Variants in SRCIN1 observed in about 807,000 individuals in gnomAD.
SRCIN1 encodes SRC kinase signaling inhibitor 1.
In SRCIN1, 50 loss-of-function variants were observed where a neutral mutation model predicts 116.2. The ratio of observed to expected loss-of-function variants is 0.43; its 90% confidence interval spans 0.34 to 0.54. SRCIN1 has a LOEUF of 0.54. Among genes scored for constraint, SRCIN1 ranks in the 20% least tolerant of loss-of-function variants. The probability of loss-of-function intolerance (pLI) is 0.02; values close to 1 mark genes in which losing one functional copy is unlikely to be tolerated. For synonymous variants in SRCIN1, 736 were observed against 750.0 expected (o/e 0.98, Z 0.30); for missense variants, 1,446 against 1,672.0 (o/e 0.86, Z 2.36).
chr17:38,594,642 T>TTTTTTTTTTTTTTTTTTTTTTTTTTGAG, intron 1 of SRCIN1, among the ~76,000 whole-genome samples: 1 of 151,986 alleles, frequency 6.6e-6, no homozygotes, highest in Non-Finnish European at 1.5e-5. Flanking sequence ...ACTTTTTCTT[T>TTTTTTTTTTTTTTTTTTTTTTTTTTGAG]ACTCTTCTCA....
chr17:38,564,152 GGA>G lies in SRCIN1; in HGVS notation c.505_506del (p.Ser169ProfsTer55). Reference sequence around the variant, plus strand: ...GCAGCTTGGTCTGGCTGGCCGAGCGGGAGAGAGGCAGGCTCTGTCGGAAGCGG... The same window carrying G: ...GCAGCTTGGTCTGGCTGGCCGAGCGGGAGAGGCAGGCTCTGTCGGAAGCGG... ...MNRFRQSLPL[S>X]RSASQTKLRS... is the part of the protein sequence containing the mutation. On this transcript the variant is annotated frameshift_variant, in exon 4 of 19. Transcript: ENST00000617146. LOFTEE classifies it high-confidence loss of function. 6.2e-7 allele frequency: 1 copy of G among 1,600,306 alleles called. No homozygotes were observed. The highest frequency in any genetic ancestry group is 1.7e-4 in the Middle Eastern group (1 of 5,784).
chr17:38,543,483 G>T (rs1160281457), intron 18 of SRCIN1, among the ~76,000 whole-genome samples: 3 of 152,204 alleles, frequency 2.0e-5, no homozygotes, highest in Non-Finnish European at 4.4e-5. Flanking sequence ...GGACCCAGGC[G>T]TTGGGGCTGC....
Position 38,562,196 on chromosome 17 carries a change from C to T in SRCIN1, c.967G>A (p.Gly323Ser). The part of the protein sequence containing the change: ...PSGLPSGLQS[G>S]SPSRSRLSYA... The stretch of plus-strand genomic sequence containing the variant: ...GATAGGCGCGAACGCGACGGCGAAC[C>T]GGACTGCAGCCCGGACGGCAGCCCC... The change falls in exon 7 of 19, where the codon GGT (glycine) becomes AGT (serine). Residue 323 changes from glycine (G) to serine (S), a missense_variant. Coordinates refer to ENST00000617146, the MANE Select transcript of SRCIN1 (RefSeq NM_025248.3). The surrounding 1 kb of genome is among the most constrained non-coding windows in gnomAD (Gnocchi z 4.2). 1 of 1,401,150 alleles carries T rather than the reference C, an allele frequency of 7.1e-7. No homozygotes were observed. The highest frequency in any genetic ancestry group is 9.2e-7 in the Non-Finnish European group (1 of 1,088,002). The allele number at this position is 1,401,150 out of a possible 1,614,324, so 86.8% of individuals were successfully genotyped here. A position where few individuals can be genotyped will look rare whatever the true frequency, so the allele number is the denominator to read the frequency against.
At position 38,563,327 on chromosome 17, in the gene SRCIN1, C is replaced by T. The variant is rs372086293; in HGVS notation, c.736G>A (p.Val246Ile). The T allele has an allele frequency of 4.5e-6, 7 of 1,570,692 alleles. No individual in the cohort carries two copies. The Admixed American group carries it at 5.5e-5, about 12-fold the overall frequency. ...ARNVFYELED[V>I]RDIQDRSIIK... ...TCCCCCCCGGTCCACGCCCACCGGA[C>T]GTCCTCCAGCTCGTAGAAGACGTTG... Residue 246 changes from valine (V) to isoleucine (I), a missense_variant, in exon 5 of 19, where the codon GTC becomes ATC. By Grantham distance (29) the Val-to-Ile change is conservative (BLOSUM62 3). Coordinates refer to ENST00000617146, the MANE Select transcript of SRCIN1 (RefSeq NM_025248.3). The surrounding 1 kb of genome is among the most constrained non-coding windows in gnomAD (Gnocchi z 5.8).
rs751580544 is a variant in SRCIN1, at chr17:38,558,296, T to C, written c.2132A>G (p.Gln711Arg). The C allele has an allele frequency of 1.2e-6, 2 of 1,611,992 alleles. No individual in the cohort carries two copies. Among genetic ancestry groups the C allele is most frequent in the Non-Finnish European group, 1.7e-6 (2 of 1,179,640 alleles). ...ARRQEDPLQR[Q>R]RTLVEEERLR... ...CCGTTCCTCTTCCACCAGGGTGCGC[T>C]GCCGCTGCAGCGGGTCCTCCTGCCG... is the stretch of plus-strand genomic sequence containing the variant. The change falls in exon 11 of 19, where the codon CAG becomes CGG. Residue 711 changes from glutamine (Q) to arginine (R), a missense_variant. By Grantham distance (43) the Gln-to-Arg change is conservative. This residue lies in a region of SRCIN1 where 398 missense variants were observed against 385.6 expected (regional missense o/e 1.03). Coordinates refer to ENST00000617146, the MANE Select transcript of SRCIN1 (RefSeq NM_025248.3). The surrounding 1 kb of genome is among the most constrained non-coding windows in gnomAD (Gnocchi z 4.6).
At position 38,544,221 on chromosome 17, in the gene SRCIN1, C is replaced by T. The variant is rs894124784; in HGVS notation, c.3271-252G>A. Among the ~76,000 whole-genome samples, 1 of 152,102 alleles carries T rather than the reference C, an allele frequency of 6.6e-6. No individual in the cohort carries two copies. The highest frequency in any genetic ancestry group is 1.5e-5 in the Non-Finnish European group (1 of 68,004). ...CAACGGCTCTTGAGGGAGAGCTCTTCGGTGGCTTCCTTGAGTAGCTCAGGG... is the reference window on the plus strand; with the variant it reads ...CAACGGCTCTTGAGGGAGAGCTCTTTGGTGGCTTCCTTGAGTAGCTCAGGG... On this transcript the variant is annotated intron_variant, in intron 17 of 18. Coordinates refer to ENST00000617146, the MANE Select transcript of SRCIN1 (RefSeq NM_025248.3). The surrounding 1 kb of genome is among the most constrained non-coding windows in gnomAD (Gnocchi z 4.5).
At chr17:38,605,308 C>T (rs113573739) in intron 1 of SRCIN1, among the ~76,000 whole-genome samples, 1 of 145,082 alleles carries the variant, frequency 6.9e-6, no homozygotes, top group Non-Finnish European at 1.5e-5. Flanking sequence ...CTTCTCCCCC[C>T]ACCCTCCTCA....
chr17:38,575,195 G>A (rs1907343770), intron 2 of SRCIN1, among the ~76,000 whole-genome samples: 1 of 152,168 alleles, frequency 6.6e-6, no homozygotes, highest in Non-Finnish European at 1.5e-5. Flanking sequence ...TAGACCTGGG[G>A]GTTCCCTGAG....
At chr17:38,583,481 G>T (rs1049714833) in intron 1 of SRCIN1, among the ~76,000 whole-genome samples, 1 of 152,048 alleles carries the variant, frequency 6.6e-6, no homozygotes, top group Non-Finnish European at 1.5e-5. Flanking sequence ...TCTGCCTTTG[G>T]GCACTAAGTG....
chr17:38,540,640 C>G (rs1199554591), intron 18 of SRCIN1, among the ~76,000 whole-genome samples: 1 of 152,088 alleles, frequency 6.6e-6, no homozygotes, highest in Non-Finnish European at 1.5e-5. Flanking sequence ...GGTGCAGGGG[C>G]AGGGTGAGCT....
Position 38,568,308 on chromosome 17 carries a change from A to T in SRCIN1, c.325-77T>A. The T allele has an allele frequency of 6.8e-7, 1 of 1,462,372 alleles. No homozygotes were observed. The highest frequency in any genetic ancestry group is 9.5e-7 in the Non-Finnish European group (1 of 1,056,386). 90.6% of individuals were successfully genotyped at this position (1,462,372 alleles called of 1,614,324 possible). A position where few individuals can be genotyped will look rare whatever the true frequency, so the allele number is the denominator to read the frequency against. ...AAAGAGGGGCAGGGGCAGGTTAGAG[A>T]CCCTTGGAACTCAGCACTCAGCCCT... On this transcript the variant is annotated intron_variant, in intron 2 of 18. Coordinates refer to ENST00000617146, the MANE Select transcript of SRCIN1 (RefSeq NM_025248.3). This position sits in a 1 kb window ranked among gnomAD's most constrained non-coding sequence, Gnocchi z 4.5.
intron 1 of SRCIN1, among the ~76,000 whole-genome samples, chr17:38,586,517 G>C (rs1413682806): frequency 6.6e-6 from 1 of 152,106 alleles, no homozygotes; most frequent in Non-Finnish European, 1.5e-5. Flanking sequence ...GATCTAATCT[G>C]AGTCACCACA....
Position 38,561,739 on chromosome 17 carries a change from G to A in SRCIN1, c.1424C>T (p.Pro475Leu), listed in dbSNP as rs1456672478. 17 of 1,519,158 alleles carry A rather than the reference G, an allele frequency of 1.1e-5. No individual in the cohort carries two copies. The highest frequency in any genetic ancestry group is 1.4e-5 in the Non-Finnish European group (16 of 1,139,252). 94.1% of individuals were successfully genotyped at this position (1,519,158 alleles called of 1,614,324 possible). A position where few individuals can be genotyped will look rare whatever the true frequency, so the allele number is the denominator to read the frequency against. The change falls in exon 7 of 19, where the codon CCG becomes CTG. Residue 475 changes from proline (P) to leucine (L), a missense_variant. Pro to Leu is a moderately conservative substitution (Grantham distance 98). Coordinates refer to ENST00000617146, the MANE Select transcript of SRCIN1 (RefSeq NM_025248.3). ...GYGFRLPPSSPQKLADVAAPP... is the reference protein window; with the variant it reads ...GYGFRLPPSSLQKLADVAAPP... ...TGCTGCCACGTCGGCCAGCTTCTGC[G>A]GTGACGAAGGCGGCAGGCGGAAGCC... is the stretch of plus-strand genomic sequence containing the variant.
At chr17:38,594,464 A>G (rs1014443362) in intron 1 of SRCIN1, among the ~76,000 whole-genome samples, 1 of 152,080 alleles carries the variant, frequency 6.6e-6, no homozygotes, top group African/African-American at 2.4e-5. Context: ...GAGCTGGAAA[A>G]GGGCTGGAGG....
rs1787743408 is a variant in SRCIN1 at position 38,568,185 on chromosome 17, T to C, written c.345+26A>G. 1.2e-6 allele frequency: 2 copies of C among 1,612,148 alleles called. No homozygotes were observed. Among genetic ancestry groups the C allele is most frequent in the African/African-American group, 1.3e-5 (1 of 74,918 alleles). On this transcript the variant is annotated intron_variant, in intron 3 of 18. Coordinates refer to ENST00000617146, the MANE Select transcript of SRCIN1 (RefSeq NM_025248.3). The surrounding 1 kb of genome is among the most constrained non-coding windows in gnomAD (Gnocchi z 4.5). ...GGAGGGAGAGCACATGCAGTTGTCA[T>C]GGGAGCAGAGGCATCACACACTGAC...
At chr17:38,543,393 GGAGA>G (rs1464889505) in intron 18 of SRCIN1, among the ~76,000 whole-genome samples, 1 of 152,300 alleles carries the variant, frequency 6.6e-6, no homozygotes, top group East Asian at 1.9e-4. Flanking sequence ...AGAGGGAAGC[GGAGA>G]GAGAAACAGA....
At chr17:38,593,989 A>G (rs1358242352) in intron 1 of SRCIN1, among the ~76,000 whole-genome samples, 1 of 152,220 alleles carries the variant, frequency 6.6e-6, no homozygotes, top group Admixed American at 6.5e-5. Context: ...GGAGGCAGAA[A>G]GTAAGTCTTG....
In SRCIN1 at chr17:38,552,420, G is replaced by A. The variant is rs1364699472; in HGVS notation, c.2480+27C>T. The A allele has an allele frequency of 6.3e-7, 1 of 1,587,116 alleles. No individual in the cohort carries two copies. The highest frequency in any genetic ancestry group is 8.6e-7 in the Non-Finnish European group (1 of 1,168,224). On this transcript the variant is annotated intron_variant, in intron 13 of 18. Transcript: ENST00000617146. The surrounding 1 kb of genome is among the most constrained non-coding windows in gnomAD (Gnocchi z 5.3). ...CTGGGCCCGGTGTGTGAACCCATGG[G>A]AAATCAGAGGTCAGGGACAGAATGA...
At chr17:38,556,653 T>C (rs1768681382) in intron 11 of SRCIN1, among the ~76,000 whole-genome samples, 1 of 152,178 alleles carries the variant, frequency 6.6e-6, no homozygotes, top group South Asian at 2.1e-4. Context: ...GAGCCCAGTA[T>C]CTGCCCAACC....
Sources: allele counts gnomAD v4.1 joint callset (sites outside exome capture counted in the v4.1 genomes callset), GRCh38; gene constraint gnomAD v4.1.1; regional missense constraint gnomAD v4.1.1; non-coding constraint Gnocchi (gnomAD v3.1); transcripts MANE v1.5; gene names NCBI Gene and HGNC (gene_info 2026-07-23, HGNC 2026-07-21).